Variants in MEI4 observed in about 807,000 individuals in gnomAD.
MEI4 encodes the protein meiotic double-stranded break formation protein 4, also known as meiosis-specific protein MEI4.
MEI4 carries 27 observed loss-of-function variants against 31.4 expected under a neutral mutation model. The observed-to-expected ratio is 0.86, with a 90% CI of 0.63 to 1.19. MEI4 has a LOEUF of 1.19. Among genes scored for constraint, MEI4 ranks in the 50% most tolerant of loss-of-function variants. The pLI is 0.00. For synonymous variants in MEI4, 122 were observed against 145.4 expected (o/e 0.84, Z 1.16); for missense variants, 329 against 398.9 (o/e 0.82, Z 1.49).
At chr6:77,726,234 G>C (rs1363547139) in intron 2 of MEI4, among the ~76,000 whole-genome samples, 1 of 149,250 alleles carries the variant, frequency 6.7e-6, no homozygotes, top group Non-Finnish European at 1.5e-5. Flanking sequence ...CAGAGAGCAC[G>C]GGGTTGGGGG....
chr6:77,756,358 C>A (rs1249319168), intron 2 of MEI4, among the ~76,000 whole-genome samples: 1 of 152,026 alleles, frequency 6.6e-6, no homozygotes, highest in Non-Finnish European at 1.5e-5. Flanking sequence ...CAGCTGCCCA[C>A]TATTATTTAC....
intron 4 of MEI4, among the ~76,000 whole-genome samples, chr6:77,831,049 T>G (rs936758375): frequency 1.3e-5 from 2 of 148,318 alleles, no homozygotes; most frequent in Admixed American, 6.8e-5. Flanking sequence ...CTCAAACAAC[T>G]CAATACCAAG....
At chr6:77,920,694 T>TTATAAAC (rs1766682718) in intron 4 of MEI4, among the ~76,000 whole-genome samples, 1 of 151,908 alleles carries the variant, frequency 6.6e-6, no homozygotes, top group African/African-American at 2.4e-5. Context: ...TAAATAAGAC[T>TTATAAAC]TATAAACAAA....
At chr6:77,731,319 T>C (rs1330612584) in intron 2 of MEI4, among the ~76,000 whole-genome samples, 1 of 149,972 alleles carries the variant, frequency 6.7e-6, no homozygotes, top group African/African-American at 2.5e-5. Context: ...TGATTGCCAT[T>C]CTAACTGGTG....
chr6:77,870,682 G>A (rs1771168827), intron 4 of MEI4, among the ~76,000 whole-genome samples: 1 of 142,990 alleles, frequency 7.0e-6, no homozygotes, highest in Non-Finnish European at 1.5e-5. Context: ...TACAGAGCTA[G>A]CAAAACTGTA....
chr6:77,891,268 G>A (rs1050582339), intron 4 of MEI4, among the ~76,000 whole-genome samples: 7 of 152,032 alleles, frequency 4.6e-5, no homozygotes, highest in African/African-American at 7.2e-5. Context: ...CTACAGCACC[G>A]AAAATTCATG....
chr6:77,868,682 A>G (rs771694666), intron 4 of MEI4, among the ~76,000 whole-genome samples: 23 of 151,600 alleles, frequency 1.5e-4, no homozygotes, highest in Non-Finnish European at 2.8e-4. Context: ...AAATAAAGGA[A>G]GGTAAGAAGC....
chr6:77,904,920 T>A (rs963353480), intron 4 of MEI4, among the ~76,000 whole-genome samples: 22 of 152,202 alleles, frequency 1.4e-4, no homozygotes, highest in African/African-American at 5.3e-4. Flanking sequence ...ATACTAAGAT[T>A]TAAGTGATAT....
chr6:77,667,367 T>A (rs938464101), intron 1 of MEI4, among the ~76,000 whole-genome samples: 14 of 152,152 alleles, frequency 9.2e-5, no homozygotes, highest in African/African-American at 3.4e-4. Flanking sequence ...CCATATGATC[T>A]CATTTCCATA....
chr6:77,910,144 G>T (rs1187400077), intron 4 of MEI4, among the ~76,000 whole-genome samples: 1 of 152,144 alleles, frequency 6.6e-6, no homozygotes, highest in African/African-American at 2.4e-5. Flanking sequence ...TTGAAAACTG[G>T]CACAAGACAG....
chr6:77,698,811 GC>G (rs1229673943), intron 2 of MEI4, among the ~76,000 whole-genome samples: 2 of 152,094 alleles, frequency 1.3e-5, no homozygotes, highest in East Asian at 3.9e-4. Context: ...CTGAACGTTG[GC>G]CTGCCTTGCT....
chr6:77,813,332 C>T (rs947462955), intron 3 of MEI4, among the ~76,000 whole-genome samples: 1 of 151,996 alleles, frequency 6.6e-6, no homozygotes, highest in Non-Finnish European at 1.5e-5. Flanking sequence ...GACAACAGCT[C>T]TACAGTACCT....
intron 2 of MEI4, among the ~76,000 whole-genome samples, chr6:77,698,552 T>C (rs1766119226): frequency 6.6e-6 from 1 of 152,214 alleles, no homozygotes; most frequent in Non-Finnish European, 1.5e-5. Context: ...GATGTGAAAT[T>C]CTGAGTTGAA....
At chr6:77,668,817 A>G (rs1768684535) in intron 1 of MEI4, among the ~76,000 whole-genome samples, 2 of 152,230 alleles carry the variant, frequency 1.3e-5, no homozygotes, top group African/African-American at 2.4e-5. Context: ...CTATCATACC[A>G]TAACTTTCTA....
chr6:77,698,857 G>A (rs994829221), intron 2 of MEI4, among the ~76,000 whole-genome samples: 7 of 152,166 alleles, frequency 4.6e-5, no homozygotes, highest in Admixed American at 2.6e-4. Flanking sequence ...ATATCCTGCA[G>A]AGTGTTTTCC....
chr6:77,866,433 A>G (rs1771030290), intron 4 of MEI4, among the ~76,000 whole-genome samples: 1 of 152,204 alleles, frequency 6.6e-6, no homozygotes, highest in African/African-American at 2.4e-5. Flanking sequence ...TTATACACCA[A>G]TAACAGACAA....
At chr6:77,911,086 T>C (rs1766424724) in intron 4 of MEI4, among the ~76,000 whole-genome samples, 1 of 152,112 alleles carries the variant, frequency 6.6e-6, no homozygotes, top group Non-Finnish European at 1.5e-5. Context: ...TGTTGGTTCA[T>C]GTCCTTTGCC....
intron 4 of MEI4, among the ~76,000 whole-genome samples, chr6:77,853,937 A>G (rs1010077082): frequency 2.0e-5 from 3 of 152,236 alleles, no homozygotes; most frequent in Non-Finnish European, 4.4e-5. Context: ...TTAGTTCAAC[A>G]TAATTCAACA....
intron 3 of MEI4, among the ~76,000 whole-genome samples, chr6:77,805,758 C>G (rs2127702821): frequency 6.6e-6 from 1 of 152,106 alleles, no homozygotes; most frequent in East Asian, 1.9e-4. Flanking sequence ...AAAATATATA[C>G]AGGTCTCTTA....
Sources: gnomAD v4.1 joint callset for allele counts (sites outside exome capture counted in the v4.1 genomes callset) on GRCh38, gnomAD v4.1.1 for gene constraint, MANE v1.5 for transcripts, NCBI Gene and HGNC (gene_info 2026-07-23, HGNC 2026-07-21) for gene names.